Variants in CNIH3 observed in about 807,000 individuals in gnomAD.
CNIH3 encodes protein cornichon homolog 3.
A neutral mutation model predicts 24.1 loss-of-function variants in CNIH3; 14 were observed. The ratio of observed to expected loss-of-function variants is 0.58; its 90% CI spans 0.38 to 0.91. The LOEUF (loss-of-function observed/expected upper bound fraction) is 0.91. Among genes scored for constraint, CNIH3 ranks in the 40% least tolerant of loss-of-function variants. The pLI, the probability that CNIH3 is intolerant of heterozygous loss-of-function variation, is 0.00. For synonymous variants in CNIH3, 68 were observed against 73.8 expected (o/e 0.92, Z 0.40); for missense variants, 178 against 196.8 (o/e 0.90, Z 0.57).
chr1:224,554,501 C>T (rs574038059), intron 3 of CNIH3, among the ~76,000 whole-genome samples: 1 of 152,108 alleles, frequency 6.6e-6, no homozygotes, highest in East Asian at 1.9e-4. Flanking sequence ...TACTGAACAC[C>T]TGCAGACTTT....
intron 1 of CNIH3, among the ~76,000 whole-genome samples, chr1:224,486,282 G>A (rs1040502765): frequency 6.6e-6 from 1 of 151,508 alleles, no homozygotes; most frequent in Non-Finnish European, 1.5e-5. Context: ...ATTTTTGTGG[G>A]GTTTTTTTTT....
chr1:224,539,982 G>A (rs749455593), downstream of CNIH3, among the ~76,000 whole-genome samples: 13 of 152,186 alleles, frequency 8.5e-5, no homozygotes, highest in African/African-American at 1.2e-4. Context: ...TGATCACACA[G>A]AGCTTTACTC....
At chr1:224,617,507 C>T (rs28742061) in intron 1 of CNIH3, among the ~76,000 whole-genome samples, 3,174 of 152,288 alleles carry the variant, frequency 0.021, 106 homozygotes, top group African/African-American at 0.069. Context: ...GTCCCGGGTC[C>T]CGGGCGCCGG....
At chr1:224,654,040 C>T (rs1483131016) in intron 1 of CNIH3, among the ~76,000 whole-genome samples, 1 of 151,344 alleles carries the variant, frequency 6.6e-6, no homozygotes. Flanking sequence ...GTGATTGTGC[C>T]ACTGTGCTCC....
rs1294443220 is a variant in CNIH3 at position 224,704,731 on chromosome 1, T to C, written c.198+19888T>C. 6.6e-6 allele frequency among the ~76,000 whole-genome samples: 1 copy of C among 152,198 alleles called. No homozygotes were observed. Among genetic ancestry groups the C allele is most frequent in the Non-Finnish European group, 1.5e-5 (1 of 68,040 alleles). On this transcript the variant is annotated intron_variant, in intron 3 of 5. Transcript: ENST00000272133. The surrounding 1 kb of genome is among the most constrained non-coding windows in gnomAD (Gnocchi z 4.2). ...AGAACATGGCTATAATATTGTCACC[T>C]AGTCATAGTCACATTTCCCCTAGTT...
chr1:224,737,539 C>G (rs1274233240), intron 5 of CNIH3, among the ~76,000 whole-genome samples: 1 of 152,080 alleles, frequency 6.6e-6, no homozygotes, highest in East Asian at 1.9e-4. Context: ...GCCAGCCCCT[C>G]AGATCCGGAG....
At chr1:224,495,963 T>TGGGC (rs1373114421) in intron 1 of CNIH3, among the ~76,000 whole-genome samples, 1 of 152,162 alleles carries the variant, frequency 6.6e-6, no homozygotes, top group Admixed American at 6.5e-5. Flanking sequence ...GAGCTATCCG[T>TGGGC]GGGCAGAGAG....
At chr1:224,447,516 G>A (rs1675217296) in intron 1 of CNIH3, among the ~76,000 whole-genome samples, 1 of 152,208 alleles carries the variant, frequency 6.6e-6, no homozygotes, top group South Asian at 2.1e-4. Context: ...AACCCTGGCA[G>A]ACACACCCAG....
intron 1 of CNIH3, among the ~76,000 whole-genome samples, chr1:224,644,624 T>C (rs1219249835): frequency 6.6e-6 from 1 of 152,216 alleles, no homozygotes; most frequent in African/African-American, 2.4e-5. Context: ...CATCCATTCT[T>C]AAATTTCTCC....
intron 3 of CNIH3, among the ~76,000 whole-genome samples, chr1:224,603,652 T>C (rs1682297213): frequency 6.6e-6 from 1 of 152,224 alleles, no homozygotes; most frequent in East Asian, 1.9e-4. Flanking sequence ...TTTTTATGGT[T>C]TTTGTCAGCG....
intron 5 of CNIH3, among the ~76,000 whole-genome samples, chr1:224,587,779 A>C (rs987976555): frequency 4.0e-5 from 6 of 151,568 alleles, no homozygotes; most frequent in African/African-American, 1.2e-4. Context: ...TCTCTACACA[A>C]AAGTTTTAAA....
At chr1:224,495,796 G>A (rs190792628) in intron 1 of CNIH3, among the ~76,000 whole-genome samples, 1 of 152,244 alleles carries the variant, frequency 6.6e-6, no homozygotes, top group African/African-American at 2.4e-5. Context: ...TGGGCAAGAG[G>A]AGCGGGCTGA....
Position 224,712,144 on chromosome 1 carries a change from G to A in CNIH3, c.199-18318G>A, listed in dbSNP as rs200473027. On this transcript the variant is annotated intron_variant, in intron 3 of 5. Transcript: ENST00000272133. Reference sequence around the variant, plus strand: ...TTGTCTAAAGTCCACTCACTTTCACGACATTGTTAATGACCATTTCAGCTG... The same window carrying A: ...TTGTCTAAAGTCCACTCACTTTCACAACATTGTTAATGACCATTTCAGCTG... Among the ~76,000 whole-genome samples, 24 of 152,282 alleles carry A rather than the reference G, an allele frequency of 1.6e-4. No individual in the cohort carries two copies. In the East Asian group the frequency reaches 2.7e-3, roughly 17 times the overall value.
intron 1 of CNIH3, among the ~76,000 whole-genome samples, chr1:224,457,680 T>G (rs2102977359): frequency 6.6e-6 from 1 of 152,220 alleles, no homozygotes; most frequent in South Asian, 2.1e-4. Flanking sequence ...CAGTCGTAAT[T>G]TGGGGATTAC....
chr1:224,601,589 A>T (rs1338990545), intron 3 of CNIH3, among the ~76,000 whole-genome samples: 1 of 151,794 alleles, frequency 6.6e-6, no homozygotes, highest in African/African-American at 2.4e-5. Flanking sequence ...GTCGTCTGAC[A>T]TTCCTAGTGT....
In CNIH3 at chr1:224,493,606, C is replaced by A. The variant is rs971301935; in HGVS notation, n.204-22135C>A. Among the ~76,000 whole-genome samples, 6 of 152,094 alleles carry A rather than the reference C, an allele frequency of 3.9e-5. No individual in the cohort carries two copies. In the South Asian group the frequency reaches 8.3e-4, roughly 21 times the overall value. ...AAAGTTGAGACGTCCCAATGAGTTG[C>A]AAGGTTTATCAAAGTGACTTGTTTC... On this transcript the variant is annotated intron_variant and non_coding_transcript_variant, in intron 1 of 5. Coordinates refer to the CNIH3 transcript ENST00000471578.
At chr1:224,439,844 A>G (rs1035712631) in intron 1 of CNIH3, among the ~76,000 whole-genome samples, 1 of 152,110 alleles carries the variant, frequency 6.6e-6, no homozygotes, top group African/African-American at 2.4e-5. Flanking sequence ...GCTGGAGTGC[A>G]GTGGCGCAAT....
intron 1 of CNIH3, among the ~76,000 whole-genome samples, chr1:224,638,535 C>T (rs1417421042): frequency 4.6e-5 from 7 of 152,172 alleles, no homozygotes; most frequent in African/African-American, 7.2e-5. Flanking sequence ...ACTTTACCAG[C>T]GGTGCCGTAA....
downstream of CNIH3, among the ~76,000 whole-genome samples, chr1:224,539,221 C>T (rs1198672905): frequency 6.6e-6 from 1 of 152,174 alleles, no homozygotes; most frequent in Admixed American, 6.5e-5. Context: ...ATTAGGACTT[C>T]TACCCTTGCT....
Sources: gnomAD v4.1 joint callset for allele counts (sites outside exome capture counted in the v4.1 genomes callset) on GRCh38, gnomAD v4.1.1 for gene constraint, Gnocchi (gnomAD v3.1) non-coding constraint, MANE v1.5 for transcripts, NCBI Gene and HGNC (gene_info 2026-07-23, HGNC 2026-07-21) for gene names.